The following PRSS3 variants were observed in gnomAD, a reference collection of about 807,000 sequenced individuals.
The protein encoded by PRSS3 is serine protease 3.
Under a neutral mutation model 20.8 loss-of-function variants are expected in PRSS3, and 14 were observed. The ratio of observed to expected loss-of-function variants is 0.67; its 90% confidence interval spans 0.44 to 1.05. The LOEUF (loss-of-function observed/expected upper bound fraction) is 1.05. PRSS3 is among the 50% of genes least tolerant of loss of function. The pLI is 0.00. For synonymous variants in PRSS3, 91 were observed against 117.6 expected, an observed-to-expected ratio of 0.77 and a Z score of 1.46; for missense variants, 237 against 306.4, an observed-to-expected ratio of 0.77 and a Z score of 1.69.
At chr9:33,754,172 A>G (rs777892630) in intron 1 of PRSS3, among the ~76,000 whole-genome samples, 1 of 151,836 alleles carries the variant, frequency 6.6e-6, no homozygotes, top group African/African-American at 2.4e-5. Context: ...CCCAGGGTTC[A>G]AGTGATTCTC....
chr9:33,767,816 C>G (rs559046512), intron 1 of PRSS3, among the ~76,000 whole-genome samples: 1 of 151,270 alleles, frequency 6.6e-6, no homozygotes, highest in Admixed American at 6.6e-5. Flanking sequence ...CAAGAGCGAA[C>G]CTCTGTCTGA....
intron 1 of PRSS3, among the ~76,000 whole-genome samples, chr9:33,767,619 T>G (rs897867947): frequency 2.6e-5 from 4 of 151,906 alleles, no homozygotes; most frequent in Non-Finnish European, 5.9e-5. Context: ...AGCTCAGGAG[T>G]TCCAGACCAG....
chr9:33,756,135 T>C (rs1381773151), intron 1 of PRSS3, among the ~76,000 whole-genome samples: 1 of 152,216 alleles, frequency 6.6e-6, no homozygotes. Context: ...AGATGTCACT[T>C]TTCTTCCTTC....
At chr9:33,761,968 C>T (rs1423293500) in intron 1 of PRSS3, 4 of 152,144 alleles carry the variant, frequency 2.6e-5, no homozygotes, top group African/African-American at 7.2e-5. Flanking sequence ...TTATGCGGCA[C>T]CTGACTGTAT....
chr9:33,766,669 G>C (rs984712260), intron 1 of PRSS3, among the ~76,000 whole-genome samples: 1 of 152,080 alleles, frequency 6.6e-6, no homozygotes, highest in African/African-American at 2.4e-5. Context: ...GAGGGAAAGA[G>C]GCTGCATCTT....
chr9:33,794,714 A>C, upstream of PRSS3: 1 of 1,528,342 alleles, frequency 6.5e-7, no homozygotes, highest in African/African-American at 1.4e-5. Context: ...AGCCCTGAGC[A>C]GGTGAGTCAG....
intron 1 of PRSS3, among the ~76,000 whole-genome samples, chr9:33,779,686 G>A (rs1217065766): frequency 6.6e-6 from 1 of 151,882 alleles, no homozygotes; most frequent in Non-Finnish European, 1.5e-5. Flanking sequence ...GGCTAACATG[G>A]TGAAACCCCG....
At chr9:33,773,787 C>T (rs572792332) in intron 1 of PRSS3, among the ~76,000 whole-genome samples, 6 of 151,942 alleles carry the variant, frequency 3.9e-5, no homozygotes, top group Non-Finnish European at 8.8e-5. Flanking sequence ...TGGACTACGG[C>T]GTGCCCTTCC....
At chr9:33,759,983 A>T (rs1240144198) in intron 1 of PRSS3, among the ~76,000 whole-genome samples, 1 of 152,154 alleles carries the variant, frequency 6.6e-6, no homozygotes, top group Admixed American at 6.5e-5. Flanking sequence ...TTTTTCCAAG[A>T]GGTGGAGAAG....
At chr9:33,789,421 A>C (rs554978184) in intron 1 of PRSS3, among the ~76,000 whole-genome samples, 1 of 152,200 alleles carries the variant, frequency 6.6e-6, no homozygotes, top group South Asian at 2.1e-4. Flanking sequence ...ATTCAGAGGA[A>C]TTTTTTTTAA....
intron 1 of PRSS3, among the ~76,000 whole-genome samples, chr9:33,784,313 A>G (rs1477573088): frequency 2.0e-5 from 3 of 152,240 alleles, no homozygotes; most frequent in Non-Finnish European, 4.4e-5. Flanking sequence ...AATGAAAAAG[A>G]TGCTGGGTTA....
intron 1 of PRSS3, among the ~76,000 whole-genome samples, chr9:33,781,524 T>C (rs961694486): frequency 1.3e-5 from 2 of 152,144 alleles, no homozygotes; most frequent in Admixed American, 1.3e-4. Context: ...TGAGCACTAC[T>C]TGAGGGGAAG....
intron 1 of PRSS3, among the ~76,000 whole-genome samples, chr9:33,760,745 CAAAAA>C (rs61678518): frequency 3.9e-5 from 4 of 101,364 alleles, no homozygotes; most frequent in Admixed American, 1.1e-4. Context: ...GACTCTGTCA[CAAAAA>C]AAAAAAAAAA....
intron 1 of PRSS3, among the ~76,000 whole-genome samples, chr9:33,769,499 C>G (rs539851360): frequency 6.6e-6 from 1 of 152,286 alleles, no homozygotes; most frequent in South Asian, 2.1e-4. Context: ...GCAGACATTG[C>G]CAGTTTGGAC....
intron 1 of PRSS3, among the ~76,000 whole-genome samples, chr9:33,764,280 T>C (rs1823326612): frequency 6.6e-6 from 1 of 152,246 alleles, no homozygotes; most frequent in African/African-American, 2.4e-5. Flanking sequence ...TTCACACCTG[T>C]AATCCCAGCA....
chr9:33,794,859 C>T (rs1297479358), upstream of PRSS3: 54 of 1,550,726 alleles, frequency 3.5e-5, no homozygotes, highest in Non-Finnish European at 4.5e-5. Flanking sequence ...GTTTTCCATC[C>T]TCCAGATGCA....
intron 1 of PRSS3, among the ~76,000 whole-genome samples, chr9:33,766,624 G>A (rs1823442949): frequency 1.3e-5 from 2 of 152,092 alleles, no homozygotes; most frequent in Admixed American, 1.3e-4. Flanking sequence ...GCTGATACAT[G>A]CTATACCATG....
chr9:33,764,749 A>C (rs1243340033), intron 1 of PRSS3, among the ~76,000 whole-genome samples: 1 of 152,236 alleles, frequency 6.6e-6, no homozygotes, highest in African/African-American at 2.4e-5. Context: ...GACAACTCAC[A>C]GAATGGGAGA....
chr9:33,777,560 G>A (rs1186440456), intron 1 of PRSS3, among the ~76,000 whole-genome samples: 4 of 129,008 alleles, frequency 3.1e-5, no homozygotes, highest in Admixed American at 7.9e-5. Flanking sequence ...AAAATTAGCC[G>A]GGCGAGGTGG....
Sources: gnomAD v4.1 joint callset for allele counts (sites outside exome capture counted in the v4.1 genomes callset) on GRCh38, gnomAD v4.1.1 for gene constraint, MANE v1.5 for transcripts, NCBI Gene and HGNC (gene_info 2026-07-23, HGNC 2026-07-21) for gene names.